The following SLC26A7 variants were observed in gnomAD, a reference collection of about 807,000 sequenced individuals.
The protein encoded by SLC26A7 is solute carrier family 26 member 7, also known as anion exchange transporter.
Under a neutral mutation model 82.5 loss-of-function variants are expected in SLC26A7, and 59 were observed. The observed-to-expected ratio is 0.72, with a 90% confidence interval of 0.58 to 0.89. SLC26A7 has a LOEUF of 0.89. SLC26A7 is among the 40% of genes least tolerant of loss of function. The pLI is 0.00. For synonymous variants in SLC26A7, 271 were observed against 274.3 expected, an observed-to-expected ratio of 0.99 and a Z score of 0.12; for missense variants, 820 against 793.0, an observed-to-expected ratio of 1.03 and a Z score of -0.41.
chr8:91,292,388 C>T (rs2130771343), intron 3 of SLC26A7, among the ~76,000 whole-genome samples: 1 of 152,014 alleles, frequency 6.6e-6, no homozygotes, highest in South Asian at 2.1e-4. Context: ...ATGTTTTGAC[C>T]TTCCTTTAAT....
At chr8:91,362,253 T>C in intron 11 of SLC26A7, 100 bp from the exon 12 acceptor site, 1 of 745,500 alleles carries the variant, frequency 1.3e-6, no homozygotes, top group East Asian at 2.7e-5. Context: ...AAAGATTTGG[T>C]CACAAGAGTG....
intron 2 of SLC26A7, among the ~76,000 whole-genome samples, chr8:91,235,912 C>G (rs1156427614): frequency 2.6e-5 from 4 of 152,204 alleles, no homozygotes; most frequent in African/African-American, 9.6e-5. Context: ...CTAAAAGCTA[C>G]TTGGGATTCT....
chr8:91,369,804 T>C lies in SLC26A7; in HGVS notation c.1646T>C (p.Leu549Pro), dbSNP rs141322766. Residue 549 changes from leucine to proline, a missense_variant, in exon 15 of 19, where the codon CTT becomes CCT. By Grantham distance (98) the Leu-to-Pro change is moderately conservative. Transcript: ENST00000276609. The part of the protein sequence containing the change: ...DISKCEQNTL[L>P]NSLSNGNCNE... ...TTTTAGTGTGAACAAAACACATTGC[T>C]TAATTCCCTATCCAATGGCAACTGC... is the stretch of plus-strand genomic sequence containing the variant. 138 of 1,602,224 alleles carry C rather than the reference T, an allele frequency of 8.6e-5. No homozygotes were observed. The highest frequency in any genetic ancestry group is 1.1e-4 in the Non-Finnish European group (135 of 1,174,700).
Position 91,395,406 on chromosome 8 carries a change from G to T in SLC26A7, c.*309G>T. ...TATTTTGTGTTGTTTTATTTCTATT[G>T]TGCTGTAAGTTGATGTTTAAAATTG... On this transcript the variant is annotated 3_prime_UTR_variant, in exon 19 of 19. Transcript: ENST00000276609. 2.7e-6 allele frequency: 1 copy of T among 366,482 alleles called. No individual in the cohort carries two copies. Among genetic ancestry groups the T allele is most frequent in the Non-Finnish European group, 4.2e-6 (1 of 239,786 alleles). The allele number at this position is 366,482 out of a possible 1,614,324, so 22.7% of individuals were successfully genotyped here.
chr8:91,328,159 A>AAC lies in SLC26A7; in HGVS notation c.643-6135_643-6134insCA, dbSNP rs528547643. 1.5e-3 allele frequency among the ~76,000 whole-genome samples: 225 copies of AAC among 152,198 alleles called. 2 individuals carry two copies. The highest frequency in any genetic ancestry group is 5.3e-3 in the African/African-American group (222 of 41,568). On this transcript the variant is annotated intron_variant, in intron 5 of 18. Transcript: ENST00000276609. ...TCTTTCTATTTGTGTTATGAAATTT[A>AAC]AGAGTGGATAAACTTTGGATTTTTC...
chr8:91,309,422 C>A (rs997081844), intron 4 of SLC26A7, among the ~76,000 whole-genome samples: 1 of 151,622 alleles, frequency 6.6e-6, no homozygotes, highest in African/African-American at 2.4e-5. Flanking sequence ...GAAACCTCCC[C>A]CTCCAGCAGT....
chr8:91,299,729 T>C (rs1812111362), intron 4 of SLC26A7, among the ~76,000 whole-genome samples: 1 of 152,204 alleles, frequency 6.6e-6, no homozygotes. Flanking sequence ...AGTCAAGCTT[T>C]GTATTTTTAA....
intron 1 of SLC26A7, among the ~76,000 whole-genome samples, chr8:91,214,411 CAT>C (rs1563629766): frequency 1.3e-5 from 2 of 152,162 alleles, no homozygotes; most frequent in African/African-American, 2.4e-5. Context: ...TATTTGAAAA[CAT>C]GTGCACTTTC....
chr8:91,318,404 A>G, intron 5 of SLC26A7, 24 bp downstream of exon 5: 1 of 1,562,594 alleles, frequency 6.4e-7, no homozygotes. Context: ...ATGCTTTCAT[A>G]CATATCTTTT....
chr8:91,350,063 C>T (rs1181818022), intron 9 of SLC26A7, among the ~76,000 whole-genome samples: 1 of 152,124 alleles, frequency 6.6e-6, no homozygotes, highest in Non-Finnish European at 1.5e-5. Flanking sequence ...ATTAGTTCCC[C>T]TACTGATTTA....
chr8:91,223,191 C>T (rs556915466), intron 2 of SLC26A7, among the ~76,000 whole-genome samples: 1 of 151,852 alleles, frequency 6.6e-6, no homozygotes. Flanking sequence ...TCCCCTTTAT[C>T]GTTTTTATTG....
At chr8:91,302,821 T>TTTTTTC in intron 4 of SLC26A7, among the ~76,000 whole-genome samples, 1 of 147,120 alleles carries the variant, frequency 6.8e-6, no homozygotes, top group African/African-American at 2.5e-5. Context: ...CCCTTCTCTT[T>TTTTTTC]TTTTTTTTTT....
In SLC26A7 at chr8:91,397,885, A is replaced by T. The variant is rs780641251; in HGVS notation, c.*2788A>T. On this transcript the variant is annotated 3_prime_UTR_variant, in exon 19 of 19. Coordinates refer to ENST00000276609, the MANE Select transcript of SLC26A7 (RefSeq NM_052832.4). ...CATACATTATGCCTTAGAAATGCAC[A>T]TTCTGTATTTTGTGGGATGATAATC... 3.9e-5 allele frequency: 6 copies of T among 152,546 alleles called. No individual in the cohort carries two copies. Among genetic ancestry groups the T allele is most frequent in the Non-Finnish European group, 8.8e-5 (6 of 67,966 alleles). The allele number at this position is 152,546 out of a possible 1,614,324, so 9.4% of individuals were successfully genotyped here. A position where few individuals can be genotyped will look rare whatever the true frequency, so the allele number is the denominator to read the frequency against.
intron 2 of SLC26A7, among the ~76,000 whole-genome samples, chr8:91,275,417 G>A (rs183840856): frequency 7.6e-4 from 116 of 152,098 alleles, no homozygotes; most frequent in Non-Finnish European, 1.3e-3. Context: ...TCCCACTTCC[G>A]TCTCCTGAGT....
intron 5 of SLC26A7, among the ~76,000 whole-genome samples, chr8:91,329,862 A>G (rs1465816424): frequency 6.6e-6 from 1 of 152,086 alleles, no homozygotes; most frequent in Non-Finnish European, 1.5e-5. Context: ...CTCACTGAGT[A>G]GCATTTTGGA....
At chr8:91,319,277 T>C (rs1346713528) in intron 5 of SLC26A7, among the ~76,000 whole-genome samples, 1 of 152,176 alleles carries the variant, frequency 6.6e-6, no homozygotes, top group African/African-American at 2.4e-5. Context: ...GTTCCTATGA[T>C]AGAATTATTA....
intron 14 of SLC26A7, among the ~76,000 whole-genome samples, chr8:91,367,226 T>G (rs1398309021): frequency 6.6e-6 from 1 of 152,142 alleles, no homozygotes; most frequent in Non-Finnish European, 1.5e-5. Flanking sequence ...GCCAGGATGG[T>G]CTCGATTTCC....
At chr8:91,299,990 CA>C (rs1327691371) in intron 4 of SLC26A7, among the ~76,000 whole-genome samples, 2 of 152,246 alleles carry the variant, frequency 1.3e-5, no homozygotes, top group East Asian at 3.9e-4. Flanking sequence ...GTGTGGGGAA[CA>C]TTAGACAAAT....
In SLC26A7 at chr8:91,366,605, T is replaced by C. The variant is rs1814199008; in HGVS notation, c.1514T>C (p.Ile505Thr). ...GAAACCCTGCAGCAGGTGAAAATTA[T>C]CTCAATAAACAACCCGCTTGTTTTC... ...DSETLQQVKI[I>T]SINNPLVFLN... The change falls in exon 14 of 19, where the codon ATC becomes ACC. Residue 505 changes from isoleucine to threonine, a missense_variant. Physicochemically the swap from Ile to Thr is moderately conservative, Grantham distance 89 (BLOSUM62 -1). Coordinates refer to ENST00000276609, the MANE Select transcript of SLC26A7 (RefSeq NM_052832.4). 2 of 1,613,102 alleles carry C rather than the reference T, an allele frequency of 1.2e-6. No homozygotes were observed. Among genetic ancestry groups the C allele is most frequent in the African/African-American group, 1.3e-5 (1 of 74,870 alleles).
Sources: allele counts gnomAD v4.1 joint callset (sites outside exome capture counted in the v4.1 genomes callset), GRCh38; gene constraint gnomAD v4.1.1; transcripts MANE v1.5; gene names NCBI Gene and HGNC (gene_info 2026-07-23, HGNC 2026-07-21).